MTNR1A: variants seen among roughly 807,000 people sequenced by gnomAD.
MTNR1A encodes melatonin receptor type 1A.
MTNR1A carries 7 observed loss-of-function variants against 5.5 expected under a neutral mutation model. That is an observed-to-expected ratio of 1.28 (90% CI 0.73 to 2.40). MTNR1A has a LOEUF of 2.40. Ranked by LOEUF, MTNR1A falls within the 30% of genes most tolerant of loss-of-function variation. The pLI is 0.00. For missense variants in MTNR1A, 441 were observed against 464.4 expected (o/e 0.95, Z 0.46); for synonymous variants, 196 against 202.7 (o/e 0.97, Z 0.28).
At chr4:186,540,231 T>A (rs1736980433) in intron 1 of MTNR1A, among the ~76,000 whole-genome samples, 1 of 151,986 alleles carries the variant, frequency 6.6e-6, no homozygotes, top group African/African-American at 2.4e-5. Flanking sequence ...TAATTCAAAA[T>A]GAGATTTGAG....
At chr4:186,550,789 T>G (rs757428376) in intron 1 of MTNR1A, among the ~76,000 whole-genome samples, 4 of 152,196 alleles carry the variant, frequency 2.6e-5, no homozygotes, top group Non-Finnish European at 5.9e-5. Context: ...GAACGAAAGA[T>G]CAGACAAATT....
intron 1 of MTNR1A, among the ~76,000 whole-genome samples, chr4:186,537,592 A>G (rs1431887310): frequency 6.6e-6 from 1 of 152,256 alleles, no homozygotes; most frequent in Admixed American, 6.5e-5. Context: ...AGATGGGTTA[A>G]TGATCTCCCT....
chr4:186,551,327 T>C (rs1410201235), intron 1 of MTNR1A, among the ~76,000 whole-genome samples: 1 of 152,180 alleles, frequency 6.6e-6, no homozygotes, highest in Non-Finnish European at 1.5e-5. Flanking sequence ...TTTTGTGTAT[T>C]TTGCATAATG....
intron 1 of MTNR1A, among the ~76,000 whole-genome samples, chr4:186,545,211 G>C (rs1737116180): frequency 1.3e-5 from 2 of 152,082 alleles, no homozygotes; most frequent in Admixed American, 1.3e-4. Context: ...GTTTCCTAAA[G>C]AGGTCACTGG....
intron 1 of MTNR1A, among the ~76,000 whole-genome samples, chr4:186,538,631 G>A (rs982148591): frequency 1.3e-5 from 2 of 152,058 alleles, no homozygotes; most frequent in East Asian, 1.9e-4. Context: ...TCTTAAATCC[G>A]TGGACTTTAG....
intron 1 of MTNR1A, among the ~76,000 whole-genome samples, chr4:186,546,307 T>C (rs1467305524): frequency 1.3e-5 from 2 of 152,026 alleles, no homozygotes; most frequent in Non-Finnish European, 2.9e-5. Flanking sequence ...GGTCTCTCCA[T>C]AGCCGATGAG....
In MTNR1A at chr4:186,534,369, G is replaced by A. The variant is rs1021054387; in HGVS notation, c.373C>T (p.Arg125Cys). Reference sequence around the variant, plus strand: ...AGACTGTGGCAGATGTAGCAGTAGCGGTTGATGGCGATGCCGGTGATGTTG... The same window carrying A: ...AGACTGTGGCAGATGTAGCAGTAGCAGTTGATGGCGATGCCGGTGATGTTG... ...IFNITGIAIN[R>C]YCYICHSLKY... The change falls in exon 2 of 2, where the codon CGC becomes TGC. Residue 125 changes from arginine to cysteine, a missense_variant. Physicochemically the swap from Arg to Cys is radical, Grantham distance 180. Coordinates refer to ENST00000307161, the MANE Select transcript of MTNR1A (RefSeq NM_005958.4). 7 of 1,614,012 alleles carry A rather than the reference G, an allele frequency of 4.3e-6. No homozygotes were observed. Among genetic ancestry groups the A allele is most frequent in the African/African-American group, 2.7e-5 (2 of 74,894 alleles).
chr4:186,551,095 G>C (rs983002567), intron 1 of MTNR1A, among the ~76,000 whole-genome samples: 1 of 152,194 alleles, frequency 6.6e-6, no homozygotes, highest in African/African-American at 2.4e-5. Flanking sequence ...GCATGAAGTG[G>C]GGTTAGCTTG....
rs1737342173 is a variant in MTNR1A at position 186,555,070 on chromosome 4, T to TC, written c.184+111dup. 1 of 1,221,426 alleles carries TC rather than the reference T, an allele frequency of 8.2e-7. No individual in the cohort carries two copies. The allele number at this position is 1,221,426 out of a possible 1,614,324, so 75.7% of individuals were successfully genotyped here. On this transcript the variant is annotated intron_variant, in intron 1 of 1. Transcript: ENST00000307161. The surrounding 1 kb of genome is among the most constrained non-coding windows in gnomAD (Gnocchi z 4.1). ...AGTCCTCTCTAACAGGAAAAATAAC[T>TC]CCAAGTCCGCAGTGTTTAGGAAAAA... is the stretch of plus-strand genomic sequence containing the variant.
At chr4:186,536,513 G>A (rs1328363273) in intron 1 of MTNR1A, among the ~76,000 whole-genome samples, 2 of 152,156 alleles carry the variant, frequency 1.3e-5, no homozygotes, top group East Asian at 3.8e-4. Flanking sequence ...TTGACCTGTA[G>A]GCCAGGCTTC....
chr4:186,543,477 C>A (rs1737074228), intron 1 of MTNR1A, among the ~76,000 whole-genome samples: 1 of 152,192 alleles, frequency 6.6e-6, no homozygotes, highest in African/African-American at 2.4e-5. Flanking sequence ...GGCCACCTGG[C>A]CAACTGCAGA....
intron 1 of MTNR1A, among the ~76,000 whole-genome samples, chr4:186,544,641 T>G (rs1285959163): frequency 1.3e-5 from 2 of 152,236 alleles, no homozygotes; most frequent in Admixed American, 6.5e-5. Context: ...CGTCTGTTTC[T>G]ACAGCTCTAG....
chr4:186,534,442 G>A lies in MTNR1A; in HGVS notation c.300C>T (p.Cys100=), dbSNP rs746059681. 3.1e-6 allele frequency: 5 copies of A among 1,614,152 alleles called. No homozygotes were observed. In the Admixed American group the frequency reaches 8.3e-5, roughly 27 times the overall value. ...NNGWNLGYLH[C]QVSGFLMGLS... Reference sequence around the variant, plus strand: ...GGCCCATCAGGAACCCACTGACTTGGCAGTGCAGATAGCCCAGGTTCCACC... The same window carrying A: ...GGCCCATCAGGAACCCACTGACTTGACAGTGCAGATAGCCCAGGTTCCACC... Residue 100 remains cysteine (C), a synonymous_variant, in exon 2 of 2, where the codon TGC becomes TGT. Coordinates refer to ENST00000307161, the MANE Select transcript of MTNR1A (RefSeq NM_005958.4).
intron 1 of MTNR1A, among the ~76,000 whole-genome samples, chr4:186,554,099 G>A (rs550205291): frequency 6.6e-6 from 1 of 152,274 alleles, no homozygotes; most frequent in South Asian, 2.1e-4. Context: ...TCTTCTCGAA[G>A]GCAGAATTCC....
chr4:186,552,250 A>G (rs1008733222), intron 1 of MTNR1A, among the ~76,000 whole-genome samples: 5 of 152,130 alleles, frequency 3.3e-5, no homozygotes, highest in African/African-American at 9.7e-5. Context: ...AAATGTGTCA[A>G]TCTTCCTCCT....
chr4:186,551,086 C>G (rs1737258302), intron 1 of MTNR1A, among the ~76,000 whole-genome samples: 1 of 152,190 alleles, frequency 6.6e-6, no homozygotes, highest in African/African-American at 2.4e-5. Flanking sequence ...TTGGAGATCG[C>G]ATGAAGTGGG....
chr4:186,536,068 G>A (rs1287213503), intron 1 of MTNR1A, among the ~76,000 whole-genome samples: 2 of 152,182 alleles, frequency 1.3e-5, no homozygotes, highest in Non-Finnish European at 1.5e-5. Flanking sequence ...TAGAGTGGTT[G>A]GGCGCAGTGG....
rs1284807335 is a variant in MTNR1A, at chr4:186,548,818, T to G, written c.184+6364A>C. 3.2e-3 allele frequency among the ~76,000 whole-genome samples: 229 copies of G among 70,560 alleles called. 3 individuals are homozygous for G. Among genetic ancestry groups the G allele is most frequent in the African/African-American group, 0.014 (218 of 15,880 alleles). The allele number at this position is 70,560 out of a possible 152,430, so 46.3% of individuals were successfully genotyped here. ...AATGCTTAATCTATAAAGATATATA[T>G]ATATATATATATATATATATATATA... On this transcript the variant is annotated intron_variant, in intron 1 of 1. Transcript: ENST00000307161.
At position 186,534,081 on chromosome 4, in the gene MTNR1A, C is replaced by T. The variant is rs938992473; in HGVS notation, c.661G>A (p.Val221Met). The T allele has an allele frequency of 8.1e-6, 13 of 1,614,020 alleles. No homozygotes were observed. The highest frequency in any genetic ancestry group is 1.0e-5 in the Non-Finnish European group (12 of 1,180,030). The change falls in exon 2 of 2, where the codon GTG becomes ATG. Residue 221 changes from valine (V) to methionine (M), a missense_variant. Val to Met is a conservative substitution (Grantham distance 21, BLOSUM62 1). Coordinates refer to ENST00000307161, the MANE Select transcript of MTNR1A (RefSeq NM_005958.4). ...AGTTTGGGTTTGCGGTCAGGTTTCA[C>T]CCTCTGTCTGACCTGGAGAACCAGG... ...WILVLQVRQR[V>M]KPDRKPKLKP... is the part of the protein sequence containing the mutation.
Sources: gnomAD v4.1 joint callset for allele counts (sites outside exome capture counted in the v4.1 genomes callset) on GRCh38, gnomAD v4.1.1 for gene constraint, Gnocchi (gnomAD v3.1) non-coding constraint, MANE v1.5 for transcripts, NCBI Gene and HGNC (gene_info 2026-07-23, HGNC 2026-07-21) for gene names.